The following GRID1 variants were observed in gnomAD, a reference collection of about 807,000 sequenced individuals.
The protein encoded by GRID1 is glutamate ionotropic receptor delta type subunit 1.
In GRID1, 28 loss-of-function variants were observed where a neutral mutation model predicts 98.0. The observed-to-expected ratio is 0.29, with a 90% CI of 0.21 to 0.39. The LOEUF (loss-of-function observed/expected upper bound fraction) is 0.39. Among genes scored for constraint, GRID1 ranks in the 10% least tolerant of loss-of-function variants. The pLI, the probability that GRID1 is intolerant of heterozygous loss-of-function variation, is 1.00. For missense variants in GRID1, 1,111 were observed against 1,340.5 expected, an observed-to-expected ratio of 0.83 and a Z score of 2.67; for synonymous variants, 553 against 538.5, an observed-to-expected ratio of 1.03 and a Z score of -0.37.
chr10:85,746,964 T>C (rs1418411333), intron 8 of GRID1, among the ~76,000 whole-genome samples: 4 of 152,194 alleles, frequency 2.6e-5, no homozygotes, highest in Admixed American at 1.3e-4. Flanking sequence ...CCTCTCTGTA[T>C]TCCCACATCA....
intron 3 of GRID1, among the ~76,000 whole-genome samples, chr10:86,156,104 T>C (rs1845242173): frequency 1.3e-5 from 2 of 152,012 alleles, no homozygotes; most frequent in South Asian, 4.2e-4. Context: ...CACATGTAAA[T>C]GGTAGGAGAG....
intron 2 of GRID1, among the ~76,000 whole-genome samples, chr10:86,314,524 C>A (rs971632963): frequency 6.6e-6 from 1 of 152,206 alleles, no homozygotes; most frequent in African/African-American, 2.4e-5. Flanking sequence ...TGGCCTAGCT[C>A]AGAGATGGGC....
intron 4 of GRID1, among the ~76,000 whole-genome samples, chr10:86,053,444 G>T (rs190823453): frequency 1.3e-5 from 2 of 151,266 alleles, no homozygotes; most frequent in Admixed American, 6.6e-5. Context: ...TGCAACCTCC[G>T]CCTCCCTGGT....
chr10:86,364,900 G>A (rs1261533943), intron 1 of GRID1, among the ~76,000 whole-genome samples: 1 of 152,144 alleles, frequency 6.6e-6, no homozygotes, highest in Admixed American at 6.5e-5. Context: ...CGCTTTGTGC[G>A]CCTAGCACAG....
chr10:85,612,159 G>C (rs905770757), intron 15 of GRID1, among the ~76,000 whole-genome samples: 1 of 152,100 alleles, frequency 6.6e-6, no homozygotes, highest in African/African-American at 2.4e-5. Context: ...AGCGAGGGAC[G>C]CCCACCCCTG....
intron 4 of GRID1, among the ~76,000 whole-genome samples, chr10:85,970,383 C>A (rs1293645017): frequency 1.3e-5 from 2 of 151,926 alleles, no homozygotes; most frequent in African/African-American, 4.8e-5. Context: ...GACTACAGAC[C>A]AGTAACCTTT....
chr10:86,206,162 C>A lies in GRID1; in HGVS notation c.520+202G>T, dbSNP rs947687154. On this transcript the variant is annotated intron_variant, in intron 3 of 15. Transcript: ENST00000327946. The surrounding 1 kb of genome is among the most constrained non-coding windows in gnomAD (Gnocchi z 4.1). ...CAGCCGTCATGATAAGGTGTTGTTG[C>A]TAGGCAACTTTATACCTATCTATGG... 7.9e-5 allele frequency among the ~76,000 whole-genome samples: 12 copies of A among 152,162 alleles called. No individual in the cohort carries two copies. The highest frequency in any genetic ancestry group is 2.9e-4 in the African/African-American group (12 of 41,432).
intron 4 of GRID1, among the ~76,000 whole-genome samples, chr10:86,124,473 C>T (rs986541367): frequency 2.0e-5 from 3 of 152,150 alleles, no homozygotes; most frequent in African/African-American, 7.2e-5. Flanking sequence ...TCCATCACAT[C>T]CTTCCAGTCT....
chr10:86,314,252 G>A (rs981763239), intron 2 of GRID1, among the ~76,000 whole-genome samples: 2 of 152,212 alleles, frequency 1.3e-5, no homozygotes, highest in Admixed American at 1.3e-4. Flanking sequence ...CTGAGCTGCT[G>A]AGGGCTGACT....
intron 2 of GRID1, among the ~76,000 whole-genome samples, chr10:86,296,317 C>A (rs1847587560): frequency 6.6e-6 from 1 of 152,218 alleles, no homozygotes; most frequent in Non-Finnish European, 1.5e-5. Flanking sequence ...TGTTTGAGGA[C>A]AAGTTCTAGA....
chr10:86,063,018 G>T (rs1028608908), intron 4 of GRID1, among the ~76,000 whole-genome samples: 1 of 152,220 alleles, frequency 6.6e-6, no homozygotes, highest in East Asian at 1.9e-4. Flanking sequence ...TGAATACAGG[G>T]GTCCGTTCAG....
At chr10:85,695,774 A>C (rs1212441807) in intron 12 of GRID1, among the ~76,000 whole-genome samples, 1 of 152,160 alleles carries the variant, frequency 6.6e-6, no homozygotes, top group Non-Finnish European at 1.5e-5. Flanking sequence ...AACCAACCAA[A>C]CAAACAAAAA....
intron 2 of GRID1, among the ~76,000 whole-genome samples, chr10:86,247,384 G>GATGA (rs1846749254): frequency 6.6e-6 from 1 of 152,082 alleles, no homozygotes; most frequent in Non-Finnish European, 1.5e-5. Context: ...TGGATGGATG[G>GATGA]ATGATGGATG....
chr10:85,974,652 G>A (rs1201624538), intron 4 of GRID1, among the ~76,000 whole-genome samples: 1 of 152,182 alleles, frequency 6.6e-6, no homozygotes, highest in African/African-American at 2.4e-5. Flanking sequence ...AGGTTGTGCA[G>A]CACTAATGAA....
intron 4 of GRID1, among the ~76,000 whole-genome samples, chr10:85,993,377 C>A (rs556050367): frequency 6.6e-6 from 1 of 152,196 alleles, no homozygotes; most frequent in African/African-American, 2.4e-5. Flanking sequence ...CAGGACACTG[C>A]CTCACATAGG....
chr10:85,794,131 G>C lies in GRID1; in HGVS notation c.1233+60365C>G, dbSNP rs72841493. 7.9e-3 allele frequency among the ~76,000 whole-genome samples: 1,200 copies of C among 152,250 alleles called. 40 individuals carry two copies. The East Asian group carries it at 0.1, about 13-fold the overall frequency. ...CTGAATTAATCTCTCTGTCAGAACAGGTGTTTCAATGGATTGTTTTTACCC... is the reference window on the plus strand; with the variant it reads ...CTGAATTAATCTCTCTGTCAGAACACGTGTTTCAATGGATTGTTTTTACCC... On this transcript the variant is annotated intron_variant, in intron 8 of 15. Coordinates refer to ENST00000327946, the MANE Select transcript of GRID1 (RefSeq NM_017551.3).
In GRID1 at chr10:86,194,583, T is replaced by C. The variant is rs940763783; in HGVS notation, c.520+11781A>G. ...GGGTGCTTGCTTTGTGTTTTAAATG[T>C]GTATGTTGTTTTAATTTTTTCAACA... On this transcript the variant is annotated intron_variant, in intron 3 of 15. Coordinates refer to ENST00000327946, the MANE Select transcript of GRID1 (RefSeq NM_017551.3). Among the ~76,000 whole-genome samples the C allele has an allele frequency of 1.4e-4, 22 of 152,070 alleles. 1 individual carries two copies. The highest frequency in any genetic ancestry group is 5.1e-4 in the African/African-American group (21 of 41,440).
intron 2 of GRID1, among the ~76,000 whole-genome samples, chr10:86,226,152 T>C (rs11591408): frequency 0.31 from 47,434 of 151,800 alleles, 7,843 homozygotes; most frequent in Non-Finnish European, 0.38. Flanking sequence ...CAGAGCCACG[T>C]CTCTGGACAG....
At chr10:85,823,716 A>C (rs1182865183) in intron 8 of GRID1, among the ~76,000 whole-genome samples, 1 of 152,162 alleles carries the variant, frequency 6.6e-6, no homozygotes, top group Non-Finnish European at 1.5e-5. Context: ...ACTTTAAAAC[A>C]GTCAGGGGAA....
Sources: allele counts gnomAD v4.1 joint callset (sites outside exome capture counted in the v4.1 genomes callset), GRCh38; gene constraint gnomAD v4.1.1; non-coding constraint Gnocchi (gnomAD v3.1); transcripts MANE v1.5; gene names NCBI Gene and HGNC (gene_info 2026-07-23, HGNC 2026-07-21).